The following DPP6 variants were observed in gnomAD, a reference collection of about 807,000 sequenced individuals.
DPP6 encodes the protein A-type potassium channel modulatory protein DPP6.
In DPP6, 69 loss-of-function variants were observed where a neutral mutation model predicts 122.6. The observed-to-expected ratio is 0.56, with a 90% CI of 0.46 to 0.69. The LOEUF (loss-of-function observed/expected upper bound fraction) is 0.69, where lower values mean the gene tolerates loss of function less well. Among genes scored for constraint, DPP6 ranks in the 30% least tolerant of loss-of-function variants. The pLI is 0.00. For synonymous variants in DPP6, 418 were observed against 433.1 expected (o/e 0.97, Z 0.43); for missense variants, 928 against 1,116.9 (o/e 0.83, Z 2.41).
At chr7:154,093,907 C>T (rs1204868216) in intron 1 of DPP6, 1 of 152,166 alleles carries the variant, frequency 6.6e-6, no homozygotes, top group East Asian at 1.9e-4. Flanking sequence ...GTGTGTGCCC[C>T]TTACAGTGTG....
intron 1 of DPP6, among the ~76,000 whole-genome samples, chr7:153,974,160 G>A (rs1264714210): frequency 2.0e-5 from 3 of 152,164 alleles, no homozygotes; most frequent in African/African-American, 7.2e-5. Context: ...CAAAGCACTT[G>A]TTGGGCCTAT....
intron 5 of DPP6, among the ~76,000 whole-genome samples, chr7:154,630,598 TGCA>T (rs1255451498): frequency 6.6e-6 from 1 of 152,242 alleles, no homozygotes; most frequent in Non-Finnish European, 1.5e-5. Context: ...TAAATGTCTA[TGCA>T]GCCATAAAAC....
chr7:154,866,066 G>A (rs746953623), intron 17 of DPP6, among the ~76,000 whole-genome samples: 1 of 152,214 alleles, frequency 6.6e-6, no homozygotes, highest in Admixed American at 6.5e-5. Context: ...AGATAGGGTG[G>A]TCAGGTCCCT....
chr7:154,115,577 T>C (rs1235369105), intron 1 of DPP6, among the ~76,000 whole-genome samples: 1 of 152,190 alleles, frequency 6.6e-6, no homozygotes, highest in Non-Finnish European at 1.5e-5. Flanking sequence ...GGTCTACTCC[T>C]GAGGTCTTGG....
chr7:154,313,751 A>ACACATACACC (rs147976247), intron 1 of DPP6, among the ~76,000 whole-genome samples: 10,504 of 44,668 alleles, frequency 0.24, 2,938 homozygotes, highest in East Asian at 0.47. Context: ...ACACACACAC[A>ACACATACACC]CCCTTACATA....
the DPP6 span, among the ~76,000 whole-genome samples, chr7:153,809,660 A>G: frequency 2.0e-5 from 3 of 152,130 alleles, no homozygotes; most frequent in East Asian, 5.8e-4. Context: ...GTGATCACCT[A>G]AATATAATGA....
intron 5 of DPP6, among the ~76,000 whole-genome samples, chr7:154,622,317 A>G (rs1173481758): frequency 6.6e-6 from 1 of 152,174 alleles, no homozygotes; most frequent in Non-Finnish European, 1.5e-5. Flanking sequence ...CATATGCCAG[A>G]TATGTGGCAT....
intron 1 of DPP6, among the ~76,000 whole-genome samples, chr7:154,378,994 G>T (rs929628428): frequency 6.6e-6 from 1 of 152,118 alleles, no homozygotes; most frequent in Non-Finnish European, 1.5e-5. Flanking sequence ...AACGTGTGGG[G>T]ATTACAGTTC....
intron 1 of DPP6, among the ~76,000 whole-genome samples, chr7:153,998,222 A>G (rs1797532841): frequency 6.6e-6 from 1 of 152,190 alleles, no homozygotes; most frequent in East Asian, 1.9e-4. Context: ...TTAAAAGTTG[A>G]CTATGCTTAG....
intron 8 of DPP6, among the ~76,000 whole-genome samples, chr7:154,735,420 T>A (rs1410154951): frequency 6.6e-6 from 1 of 152,252 alleles, no homozygotes; most frequent in East Asian, 1.9e-4. Flanking sequence ...AAAGTAATGA[T>A]GAAAATATCT....
intron 1 of DPP6, among the ~76,000 whole-genome samples, chr7:153,914,043 C>T (rs1186365630): frequency 1.3e-5 from 2 of 152,178 alleles, no homozygotes; most frequent in African/African-American, 4.8e-5. Flanking sequence ...CCACCCAAAT[C>T]TCATCTTGAA....
chr7:154,528,579 T>G (rs2130077857), intron 3 of DPP6, among the ~76,000 whole-genome samples: 1 of 152,314 alleles, frequency 6.6e-6, no homozygotes, highest in South Asian at 2.1e-4. Context: ...TTCATCTAAC[T>G]TTGTACCAGT....
At chr7:153,913,679 A>AC (rs1018368336) in intron 1 of DPP6, among the ~76,000 whole-genome samples, 7 of 151,108 alleles carry the variant, frequency 4.6e-5, no homozygotes, top group African/African-American at 1.7e-4. Context: ...AGTTTTGGGG[A>AC]CCATTGTTAA....
intron 3 of DPP6, among the ~76,000 whole-genome samples, chr7:154,493,903 C>T (rs1824502290): frequency 6.6e-6 from 1 of 152,094 alleles, no homozygotes; most frequent in Admixed American, 6.6e-5. Context: ...TTTATAGATC[C>T]TTTCAAACAT....
At chr7:154,845,260 G>T (rs1801853824) in intron 16 of DPP6, among the ~76,000 whole-genome samples, 1 of 152,216 alleles carries the variant, frequency 6.6e-6, no homozygotes, top group Admixed American at 6.5e-5. Context: ...CTTTCTGTCT[G>T]TGTGAGATGG....
chr7:154,150,924 G>T (rs985741725), intron 1 of DPP6, among the ~76,000 whole-genome samples: 2 of 152,158 alleles, frequency 1.3e-5, no homozygotes, highest in African/African-American at 2.4e-5. Context: ...CAGGAGAGAG[G>T]CTGGCAAGGT....
At chr7:153,918,622 C>T (rs936571634) in intron 1 of DPP6, among the ~76,000 whole-genome samples, 2 of 132,226 alleles carry the variant, frequency 1.5e-5, no homozygotes, top group African/African-American at 5.7e-5. Context: ...CTCTCTCTGT[C>T]TCTCTCACTA....
chr7:154,063,976 C>T (rs1251419529), intron 1 of DPP6, among the ~76,000 whole-genome samples: 1 of 151,908 alleles, frequency 6.6e-6, no homozygotes, highest in Non-Finnish European at 1.5e-5. Flanking sequence ...AGCCCTAGAG[C>T]AAACGCAAAG....
At chr7:154,040,865 G>T (rs1422421720) in intron 1 of DPP6, among the ~76,000 whole-genome samples, 4 of 149,506 alleles carry the variant, frequency 2.7e-5, no homozygotes, top group Admixed American at 6.6e-5. Context: ...CCGGGAAGAG[G>T]ATTTCAAGCC....
Sources: allele counts gnomAD v4.1 joint callset (sites outside exome capture counted in the v4.1 genomes callset), GRCh38; gene constraint gnomAD v4.1.1; transcripts MANE v1.5; gene names NCBI Gene and HGNC (gene_info 2026-07-23, HGNC 2026-07-21).